Variants in UVRAG observed in about 807,000 individuals in gnomAD.
UVRAG encodes the protein UV radiation resistance-associated gene protein.
Under a neutral mutation model 78.0 loss-of-function variants are expected in UVRAG, and 19 were observed. The ratio of observed to expected loss-of-function variants is 0.24; its 90% CI spans 0.17 to 0.36. The LOEUF is 0.36. UVRAG is among the 10% of genes least tolerant of loss of function. UVRAG has a pLI of 1.00. For missense variants in UVRAG, 740 were observed against 853.8 expected, an observed-to-expected ratio of 0.87 and a Z score of 1.66; for synonymous variants, 323 against 324.6, an observed-to-expected ratio of 1.00 and a Z score of 0.05.
At chr11:76,129,768 C>T (rs929799135) in intron 14 of UVRAG, among the ~76,000 whole-genome samples, 1 of 152,124 alleles carries the variant, frequency 6.6e-6, no homozygotes, top group Admixed American at 6.5e-5. Context: ...TTACCTTTCA[C>T]CTGTACTACT....
rs1945229044 is a variant in UVRAG at position 75,815,213 on chromosome 11, A to G, written c.-195A>G. 4 of 429,164 alleles carry G rather than the reference A, an allele frequency of 9.3e-6. No homozygotes were observed. The highest frequency in any genetic ancestry group is 2.1e-5 in the African/African-American group (1 of 48,318). The allele number at this position is 429,164 out of a possible 1,614,324, so 26.6% of individuals were successfully genotyped here. On this transcript the variant is annotated 5_prime_UTR_variant, in exon 1 of 15. Transcript: ENST00000356136. Reference sequence around the variant, plus strand: ...CGGGGTGGAGGGGTTGCACTGCGGTAATATGGCTCTTCCTTAGCCAGCGGC... The same window carrying G: ...CGGGGTGGAGGGGTTGCACTGCGGTGATATGGCTCTTCCTTAGCCAGCGGC...
chr11:75,871,162 C>T (rs1447054205), intron 3 of UVRAG, among the ~76,000 whole-genome samples: 2 of 152,200 alleles, frequency 1.3e-5, no homozygotes, highest in South Asian at 2.1e-4. Flanking sequence ...GCATGCGCCC[C>T]TGCGCCCGGC....
chr11:75,985,836 T>G (rs1949491271), intron 8 of UVRAG, among the ~76,000 whole-genome samples: 1 of 152,142 alleles, frequency 6.6e-6, no homozygotes, highest in African/African-American at 2.4e-5. Flanking sequence ...CAGATGACCA[T>G]TTGCTTGTAA....
intron 12 of UVRAG, among the ~76,000 whole-genome samples, chr11:76,047,795 C>T (rs887067528): frequency 6.6e-6 from 1 of 152,198 alleles, no homozygotes; most frequent in African/African-American, 2.4e-5. Flanking sequence ...TAAAATATTT[C>T]TCTGTGAAGA....
chr11:76,090,136 C>T (rs1951669269), intron 13 of UVRAG, among the ~76,000 whole-genome samples: 1 of 152,210 alleles, frequency 6.6e-6, no homozygotes, highest in Admixed American at 6.5e-5. Context: ...AATGCAGCAA[C>T]TGGTCAGCAT....
At chr11:76,084,734 C>G (rs1951553816) in intron 13 of UVRAG, among the ~76,000 whole-genome samples, 1 of 151,924 alleles carries the variant, frequency 6.6e-6, no homozygotes, top group Non-Finnish European at 1.5e-5. Flanking sequence ...GAAGAAGTTG[C>G]TTTATGTGAC....
intron 13 of UVRAG, among the ~76,000 whole-genome samples, chr11:76,111,277 T>C (rs548033029): frequency 6.6e-6 from 1 of 152,248 alleles, no homozygotes; most frequent in South Asian, 2.1e-4. Flanking sequence ...TACGAAGCAA[T>C]ATAATCCAAA....
chr11:75,884,226 CTCTCTCTCTCTCTT>C (rs1033257237), intron 4 of UVRAG, among the ~76,000 whole-genome samples: 3 of 136,642 alleles, frequency 2.2e-5, no homozygotes, highest in African/African-American at 8.8e-5. Context: ...CTCTCTCTCT[CTCTCTCTCTCTCTT>C]TCTCTCTCTC....
intron 8 of UVRAG, among the ~76,000 whole-genome samples, chr11:75,997,407 G>A (rs1051521640): frequency 6.6e-6 from 1 of 152,202 alleles, no homozygotes; most frequent in Non-Finnish European, 1.5e-5. Flanking sequence ...ACATTTTGCT[G>A]TTAAAATTAT....
At chr11:75,998,246 C>A (rs1280084159) in intron 8 of UVRAG, among the ~76,000 whole-genome samples, 1 of 152,122 alleles carries the variant, frequency 6.6e-6, no homozygotes, top group East Asian at 1.9e-4. Context: ...CTCATAGCTC[C>A]AGAGGAAACC....
intron 12 of UVRAG, among the ~76,000 whole-genome samples, chr11:76,053,974 A>AC (rs1251183955): frequency 1.3e-5 from 2 of 151,338 alleles, no homozygotes; most frequent in Non-Finnish European, 3.0e-5. Context: ...ATCTCAAAAA[A>AC]AAAAAAAAAA....
chr11:75,866,357 C>CAATAAATA (rs376334935), intron 3 of UVRAG, among the ~76,000 whole-genome samples: 2,249 of 148,766 alleles, frequency 0.015, 65 homozygotes, highest in African/African-American at 0.055. Flanking sequence ...CCCATCTCTA[C>CAATAAATA]AATAAATAAA....
At chr11:75,903,211 C>T (rs992578939) in intron 5 of UVRAG, among the ~76,000 whole-genome samples, 6 of 152,086 alleles carry the variant, frequency 3.9e-5, no homozygotes, top group African/African-American at 7.2e-5. Flanking sequence ...AGCCTCCTAT[C>T]GGGTAGTTGG....
intron 14 of UVRAG, among the ~76,000 whole-genome samples, chr11:76,135,006 C>T (rs74714628): frequency 0.023 from 3,435 of 152,174 alleles, 123 homozygotes; most frequent in African/African-American, 0.077. Context: ...CATAGGAGCA[C>T]GAATCCTGTT....
chr11:76,116,144 G>A, intron 14 of UVRAG, 129 bp downstream of exon 14: 1 of 868,376 alleles, frequency 1.2e-6, no homozygotes, highest in Non-Finnish European at 1.8e-6. Context: ...GGAGGAAAAT[G>A]AAAGGCGCCA....
chr11:76,045,486 A>G (rs914680869), intron 12 of UVRAG, among the ~76,000 whole-genome samples: 1 of 152,262 alleles, frequency 6.6e-6, no homozygotes, highest in Non-Finnish European at 1.5e-5. Context: ...GAAAGAAAGA[A>G]TATAGGGATA....
intron 7 of UVRAG, among the ~76,000 whole-genome samples, chr11:75,967,071 AT>A (rs1426616843): frequency 6.6e-6 from 1 of 152,192 alleles, no homozygotes; most frequent in Non-Finnish European, 1.5e-5. Flanking sequence ...GGGGAATTTC[AT>A]TTTATTGGTT....
chr11:75,819,005 A>T (rs1393249621), intron 1 of UVRAG, among the ~76,000 whole-genome samples: 5 of 152,102 alleles, frequency 3.3e-5, no homozygotes, highest in Non-Finnish European at 7.4e-5. Flanking sequence ...GAGTTCAGAC[A>T]TGGCCAAATG....
chr11:75,831,277 A>C (rs930878817), intron 1 of UVRAG, among the ~76,000 whole-genome samples: 2 of 152,062 alleles, frequency 1.3e-5, no homozygotes, highest in African/African-American at 4.8e-5. Context: ...TCACGAGGTC[A>C]AGAGAGTGAG....
Sources: allele counts gnomAD v4.1 joint callset (sites outside exome capture counted in the v4.1 genomes callset), GRCh38; gene constraint gnomAD v4.1.1; transcripts MANE v1.5; gene names NCBI Gene and HGNC (gene_info 2026-07-23, HGNC 2026-07-21).